The following ANK2 variants were observed in gnomAD, a reference collection of about 807,000 sequenced individuals.
ANK2 encodes ankyrin-2.
In ANK2, 83 loss-of-function variants were observed where a neutral mutation model predicts 360.5. That is an observed-to-expected ratio of 0.23 (90% CI 0.19 to 0.28). The LOEUF is 0.28. Among genes scored for constraint, ANK2 ranks in the 10% least tolerant of loss-of-function variants. ANK2 has a pLI of 1.00. For synonymous variants in ANK2, 1,740 were observed against 1,759.5 expected (o/e 0.99, Z 0.28); for missense variants, 4,201 against 4,795.7 (o/e 0.88, Z 3.66).
intron 23 of ANK2, among the ~76,000 whole-genome samples, chr4:113,303,873 A>C (rs1051021739): frequency 6.6e-6 from 1 of 152,228 alleles, no homozygotes; most frequent in African/African-American, 2.4e-5. Flanking sequence ...CATTGCTTTT[A>C]TACAGAGAAA....
intron 4 of ANK2, among the ~76,000 whole-genome samples, chr4:113,230,005 C>A (rs1228652130): frequency 6.6e-6 from 1 of 152,170 alleles, no homozygotes; most frequent in African/African-American, 2.4e-5. Flanking sequence ...TTTAACCATC[C>A]TCACTGGCTT....
intron 1 of ANK2, among the ~76,000 whole-genome samples, chr4:113,063,707 T>G (rs2074466716): frequency 6.6e-6 from 1 of 152,160 alleles, no homozygotes; most frequent in African/African-American, 2.4e-5. Flanking sequence ...AAAAATGATA[T>G]TTTATCTCAT....
At chr4:113,104,927 G>T (rs1210672618) in intron 1 of ANK2, among the ~76,000 whole-genome samples, 1 of 152,030 alleles carries the variant, frequency 6.6e-6, no homozygotes, top group African/African-American at 2.4e-5. Flanking sequence ...TCTAGTTATG[G>T]ACAGTGAGCA....
chr4:113,037,894 G>A (rs1047320906), intron 2 of ANK2, among the ~76,000 whole-genome samples: 6 of 151,968 alleles, frequency 3.9e-5, no homozygotes, highest in Non-Finnish European at 8.8e-5. Context: ...CTAAATTCTA[G>A]ACTGCAGTAG....
intron 1 of ANK2, among the ~76,000 whole-genome samples, chr4:113,128,641 C>T (rs1010213892): frequency 7.2e-5 from 11 of 152,154 alleles, no homozygotes; most frequent in African/African-American, 2.7e-4. Context: ...AGGCACCTGC[C>T]ACTACGCCCA....
Position 113,135,478 on chromosome 4 carries a change from C to T in ANK2, c.85-38938C>T, listed in dbSNP as rs569870873. 4.6e-5 allele frequency among the ~76,000 whole-genome samples: 7 copies of T among 151,076 alleles called. No homozygotes were observed. In the South Asian group the frequency reaches 8.4e-4, roughly 18 times the overall value. ...AGGAGCTTTTCACTACATGTAATAC[C>T]GTAGAGGCAAATGATGGCCAAACCA... On this transcript the variant is annotated intron_variant, in intron 1 of 45. Transcript: ENST00000357077.
chr4:112,977,352 A>G lies in ANK2; in HGVS notation c.21+72838A>G, dbSNP rs1459684485. The stretch of plus-strand genomic sequence containing the variant: ...TTATTCCAACAGGGTACAACTAATT[A>G]GAAAGTACTTTGGGAAATTCAATTT... On this transcript the variant is annotated intron_variant, in intron 2 of 30. Transcript: ENST00000503271. 3.3e-5 allele frequency among the ~76,000 whole-genome samples: 5 copies of G among 152,244 alleles called. No individual in the cohort carries two copies. The South Asian group carries it at 6.2e-4, about 19-fold the overall frequency.
At chr4:112,909,344 A>G (rs562462854) in intron 2 of ANK2, among the ~76,000 whole-genome samples, 2 of 152,352 alleles carry the variant, frequency 1.3e-5, no homozygotes, top group Non-Finnish European at 2.9e-5. Flanking sequence ...TTCCTGAAGA[A>G]CATACATAAT....
chr4:113,066,889 T>C (rs7690846), intron 1 of ANK2, among the ~76,000 whole-genome samples: 58,473 of 151,948 alleles, frequency 0.38, 13,544 homozygotes, highest in Admixed American at 0.5. Context: ...GACCACCTAA[T>C]AGGGTTTCTG....
chr4:113,221,231 G>A (rs1288325778), intron 4 of ANK2, among the ~76,000 whole-genome samples: 1 of 152,190 alleles, frequency 6.6e-6, no homozygotes, highest in Admixed American at 6.5e-5. Flanking sequence ...GCATGTGAGT[G>A]TAGAAATAGT....
intron 1 of ANK2, among the ~76,000 whole-genome samples, chr4:112,836,407 C>G (rs2061000013): frequency 6.6e-6 from 1 of 152,038 alleles, no homozygotes; most frequent in Non-Finnish European, 1.5e-5. Flanking sequence ...AGAATTGGTA[C>G]CAAGGTAGTG....
At position 113,072,711 on chromosome 4, in the gene ANK2, A is replaced by G. The variant is rs553544723; in HGVS notation, c.84+22899A>G. Reference sequence around the variant, plus strand: ...AATAAATTAATAGAACTTTTGGATGACTTTTTCCCTTAAAATAGACACTTG... The same window carrying G: ...AATAAATTAATAGAACTTTTGGATGGCTTTTTCCCTTAAAATAGACACTTG... On this transcript the variant is annotated intron_variant, in intron 1 of 45. Transcript: ENST00000357077. 1.1e-4 allele frequency among the ~76,000 whole-genome samples: 15 copies of G among 140,128 alleles called. 1 individual carries two copies. Among genetic ancestry groups the G allele is most frequent in the Admixed American group, 8.7e-4 (12 of 13,766 alleles). 91.9% of individuals were successfully genotyped at this position (140,128 alleles called of 152,430 possible).
At chr4:112,992,304 C>T (rs112804570) in intron 2 of ANK2, among the ~76,000 whole-genome samples, 11,605 of 152,008 alleles carry the variant, frequency 0.076, 866 homozygotes, top group African/African-American at 0.19. Context: ...TCACCACGCC[C>T]GGCTAATTTT....
chr4:112,873,624 C>G (rs1273042162), intron 1 of ANK2, among the ~76,000 whole-genome samples: 1 of 150,820 alleles, frequency 6.6e-6, no homozygotes, highest in Non-Finnish European at 1.5e-5. Flanking sequence ...GCAAGCTCCG[C>G]CTCCCGGGTT....
At chr4:113,063,785 A>C (rs924725859) in intron 1 of ANK2, among the ~76,000 whole-genome samples, 1 of 152,186 alleles carries the variant, frequency 6.6e-6, no homozygotes, top group Non-Finnish European at 1.5e-5. Flanking sequence ...AGTGAGGCTG[A>C]AAACAGATCT....
At chr4:112,944,904 G>C (rs554085501) in intron 2 of ANK2, among the ~76,000 whole-genome samples, 3 of 152,196 alleles carry the variant, frequency 2.0e-5, no homozygotes, top group African/African-American at 7.2e-5. Flanking sequence ...TCTGAAAAAG[G>C]CAGTGTCATA....
chr4:112,886,727 C>T (rs886359859), intron 1 of ANK2, among the ~76,000 whole-genome samples: 1 of 151,998 alleles, frequency 6.6e-6, no homozygotes, highest in Non-Finnish European at 1.5e-5. Flanking sequence ...AAAATTGATC[C>T]GGATGGAGCC....
chr4:112,967,954 T>C (rs2037970617), intron 2 of ANK2, among the ~76,000 whole-genome samples: 1 of 152,204 alleles, frequency 6.6e-6, no homozygotes, highest in Admixed American at 6.5e-5. Context: ...TCATATACCA[T>C]ACAGACATCT....
intron 1 of ANK2, among the ~76,000 whole-genome samples, chr4:112,888,472 A>G (rs1247594896): frequency 6.6e-6 from 1 of 152,226 alleles, no homozygotes; most frequent in Non-Finnish European, 1.5e-5. Flanking sequence ...ATATTAAGAT[A>G]TAATCAATAT....
Sources: allele counts gnomAD v4.1 joint callset (sites outside exome capture counted in the v4.1 genomes callset), GRCh38; gene constraint gnomAD v4.1.1; transcripts MANE v1.5; gene names NCBI Gene and HGNC (gene_info 2026-07-23, HGNC 2026-07-21).